Variants in MICA observed in about 807,000 individuals in gnomAD.
MICA encodes the protein HLA class I antigen.
MICA carries 18 observed loss-of-function variants against 34.3 expected under a neutral mutation model. That is an observed-to-expected ratio of 0.52 (90% CI 0.36 to 0.78). The LOEUF is 0.78. Among genes scored for constraint, MICA ranks in the 30% least tolerant of loss-of-function variants. MICA has a pLI of 0.00. For synonymous variants in MICA, 135 were observed against 156.9 expected, an observed-to-expected ratio of 0.86 and a Z score of 1.04; for missense variants, 333 against 409.4, an observed-to-expected ratio of 0.81 and a Z score of 1.61.
At chr6:31,408,526 A>G (rs1241858718) in intron 1 of MICA, among the ~76,000 whole-genome samples, 1 of 151,624 alleles carries the variant, frequency 6.6e-6, no homozygotes, top group African/African-American at 2.4e-5. Context: ...AGATACATTC[A>G]CATTTTTGTG....
At chr6:31,406,398 G>A (rs1167864528) in intron 1 of MICA, among the ~76,000 whole-genome samples, 1 of 130,472 alleles carries the variant, frequency 7.7e-6, no homozygotes, top group Non-Finnish European at 1.6e-5. Context: ...TTTTTAAATT[G>A]GATTATTATA....
chr6:31,409,309 C>CTGTGTGTGTGTGTGTGTGTGTGTG (rs35508435), intron 1 of MICA, among the ~76,000 whole-genome samples: 1,619 of 149,632 alleles, frequency 0.011, 32 homozygotes, highest in South Asian at 0.025. Context: ...CAACCTTGCT[C>CTGTGTGTGTGTGTGTGTGTGTGTG]TGTGTGTGTG....
intron 1 of MICA, among the ~76,000 whole-genome samples, chr6:31,406,641 C>A (rs1770764660): frequency 6.6e-6 from 1 of 151,838 alleles, no homozygotes; most frequent in Non-Finnish European, 1.5e-5. Context: ...AGTCCAATAT[C>A]CTAGAGAGTT....
intron 1 of MICA, among the ~76,000 whole-genome samples, chr6:31,406,728 T>C (rs1189497507): frequency 6.6e-6 from 1 of 151,940 alleles, no homozygotes; most frequent in Non-Finnish European, 1.5e-5. Context: ...ATTTGATTTT[T>C]GTATATGGTG....
Position 31,410,654 on chromosome 6 carries a change from G to C in MICA, c.182G>C (p.Arg61Thr). 2 of 1,613,584 alleles carry C rather than the reference G, an allele frequency of 1.2e-6. No individual in the cohort carries two copies. Among genetic ancestry groups the C allele is most frequent in the Non-Finnish European group, 1.7e-6 (2 of 1,180,028 alleles). ...GGTCAGCCCTTCCTGCGCTATGACA[G>C]GCAGAAATGCAGGGCAAAGCCCCAG... Reference protein sequence around the residue: ...LDGQPFLRYDRQKCRAKPQGQ... With the variant: ...LDGQPFLRYDTQKCRAKPQGQ... Residue 61 changes from arginine to threonine, a missense_variant, in exon 2 of 6, where the codon AGG becomes ACG. Coordinates refer to ENST00000449934, the MANE Select transcript of MICA (RefSeq NM_001177519.3).
Position 31,412,065 on chromosome 6 carries a change from A to G in MICA, c.732A>G (p.Val244=), listed in dbSNP as rs1439784123. 1.2e-5 allele frequency: 20 copies of G among 1,613,084 alleles called. 1 individual carries two copies. Among genetic ancestry groups the G allele is most frequent in the Non-Finnish European group, 1.6e-5 (19 of 1,179,882 alleles). ...TACTGACCTGGCGTCAGGATGGGGTATCTTTGAGCCACGACACCCAGCAGT... is the reference window on the plus strand; with the variant it reads ...TACTGACCTGGCGTCAGGATGGGGTGTCTTTGAGCCACGACACCCAGCAGT... ...NIILTWRQDG[V]SLSHDTQQWG... Residue 244 remains valine (V), a synonymous_variant, in exon 4 of 6, where the codon GTA becomes GTG. Transcript: ENST00000449934.
At position 31,407,140 on chromosome 6, in the gene MICA, G is replaced by A. The variant is rs117246140; in HGVS notation, c.71-3403G>A. Among the ~76,000 whole-genome samples, 706 of 151,896 alleles carry A rather than the reference G, an allele frequency of 4.6e-3. 55 individuals carry two copies. The East Asian group carries it at 0.076, about 16-fold the overall frequency. ...TGCATTGAATCTGTAGATTACTTTG[G>A]GTAGTATGGATATTTCAACAAAACT... is the stretch of plus-strand genomic sequence containing the variant. On this transcript the variant is annotated intron_variant, in intron 1 of 5. Transcript: ENST00000449934.
At chr6:31,403,276 G>T (rs569638241), upstream of MICA, among the ~76,000 whole-genome samples, 55 of 151,966 alleles carry the variant, frequency 3.6e-4, no homozygotes, top group Middle Eastern at 3.4e-3. The surrounding 1 kb of genome is among the most constrained non-coding windows in gnomAD (Gnocchi z 4.7). Flanking sequence ...TCGGGGTGGG[G>T]GCGCGGGGAT....
chr6:31,402,033 T>C (rs1048654658), upstream of MICA: 3 of 151,972 alleles, frequency 2.0e-5, no homozygotes, highest in Non-Finnish European at 4.4e-5. Context: ...ACACAATTTA[T>C]CCTTTTAAAG....
chr6:31,410,681 G>A lies in MICA; in HGVS notation c.209G>A (p.Gly70Glu), dbSNP rs2113752404. ...DRQKCRAKPQGQWAEDVLGNK... is the reference protein window; with the variant it reads ...DRQKCRAKPQEQWAEDVLGNK... ...CAGAAATGCAGGGCAAAGCCCCAGGGACAGTGGGCAGAAGATGTCCTGGGA... is the reference window on the plus strand; with the variant it reads ...CAGAAATGCAGGGCAAAGCCCCAGGAACAGTGGGCAGAAGATGTCCTGGGA... The change falls in exon 2 of 6, where the codon GGA (glycine) becomes GAA (glutamate). Residue 70 changes from glycine to glutamate, a missense_variant. Transcript: ENST00000449934. 3.1e-6 allele frequency: 5 copies of A among 1,613,528 alleles called. No individual in the cohort carries two copies. The highest frequency in any genetic ancestry group is 4.2e-6 in the Non-Finnish European group (5 of 1,180,010).
chr6:31,401,660 T>TAAA (rs9279197), upstream of MICA, among the ~76,000 whole-genome samples: 110 of 145,092 alleles, frequency 7.6e-4, no homozygotes, highest in African/African-American at 1.0e-3. Flanking sequence ...ACTCCTCTCT[T>TAAA]AAAAAAAAAA....
chr6:31,401,095 G>A (rs1445404982), upstream of MICA, among the ~76,000 whole-genome samples: 1 of 151,826 alleles, frequency 6.6e-6, no homozygotes. Context: ...CTTTGCTGGA[G>A]CTGGCACACG....
chr6:31,405,317 T>C (rs1292726313), intron 1 of MICA, among the ~76,000 whole-genome samples: 1 of 151,234 alleles, frequency 6.6e-6, no homozygotes, highest in Non-Finnish European at 1.5e-5. Context: ...CCTCCAGCAT[T>C]ACTCCTTTTG....
In MICA at chr6:31,410,969, C is replaced by T. The variant is rs867325466; in HGVS notation, c.326-103C>T. The T allele has an allele frequency of 2.1e-5, 31 of 1,473,088 alleles. No homozygotes were observed. The African/African-American group carries it at 4.0e-4, about 19-fold the overall frequency. The allele number at this position is 1,473,088 out of a possible 1,614,324, so 91.3% of individuals were successfully genotyped here. A position where few individuals can be genotyped will look rare whatever the true frequency, so the allele number is the denominator to read the frequency against. On this transcript the variant is annotated intron_variant, in intron 2 of 5. Transcript: ENST00000449934. Reference sequence around the variant, plus strand: ...CCGGCACTCAGCCCACACAGGGAGGCATGGAGGAGGGCCAGGGAGGCATAC... The same window carrying T: ...CCGGCACTCAGCCCACACAGGGAGGTATGGAGGAGGGCCAGGGAGGCATAC...
intron 4 of MICA, 36 bp downstream of exon 4, chr6:31,412,261 G>A (rs750677909): frequency 1.9e-6 from 3 of 1,606,542 alleles, no homozygotes; most frequent in Non-Finnish European, 2.5e-6. Context: ...GGTCAGGCCA[G>A]GGTAGGGACA....
In MICA at chr6:31,412,340, T is replaced by G; in HGVS notation, c.908T>G (p.Leu303Arg). Reference protein sequence around the residue: ...HPVPSGKVLVLQSHWQTFHVS... With the variant: ...HPVPSGKVLVRQSHWQTFHVS... Reference sequence around the variant, plus strand: ...TTTTTTTCAGGGAAAGTGCTGGTGCTTCAGAGTCATTGGCAGACATTCCAT... The same window carrying G: ...TTTTTTTCAGGGAAAGTGCTGGTGCGTCAGAGTCATTGGCAGACATTCCAT... Residue 303 changes from leucine (L) to arginine (R), a missense_variant, in exon 5 of 6, where the codon CTT (leucine) becomes CGT (arginine). Transcript: ENST00000449934. The G allele has an allele frequency of 6.3e-7, 1 of 1,598,874 alleles. No individual in the cohort carries two copies. The highest frequency in any genetic ancestry group is 8.5e-7 in the Non-Finnish European group (1 of 1,173,720).
rs761904283 is a variant in MICA at position 31,403,689 on chromosome 6, G to C, written c.57G>C (p.Pro19=). Residue 19 remains proline, a synonymous_variant, in exon 1 of 6, where the codon CCG becomes CCC. Coordinates refer to ENST00000449934, the MANE Select transcript of MICA (RefSeq NM_001177519.3). This position sits in a 1 kb window ranked among gnomAD's most constrained non-coding sequence, Gnocchi z 4.7. The stretch of plus-strand genomic sequence containing the variant: ...CTGGCATCTTCCCTTTTGCACCTCC[G>C]GGAGCTGCTGCTGGTGAGTGGCGTT... ...LLAGIFPFAP[P]GAAAEPHSLR... is the part of the protein sequence containing the mutation. The C allele has an allele frequency of 2.0e-4, 310 of 1,533,256 alleles. No individual in the cohort carries two copies. Among genetic ancestry groups the C allele is most frequent in the Non-Finnish European group, 2.6e-4 (292 of 1,140,902 alleles). The allele number at this position is 1,533,256 out of a possible 1,614,324, so 95.0% of individuals were successfully genotyped here.
chr6:31,414,268 G>C (rs1244121437), intron 5 of MICA, among the ~76,000 whole-genome samples: 2 of 151,968 alleles, frequency 1.3e-5, no homozygotes, highest in African/African-American at 2.4e-5. Context: ...ATCCCTGCTA[G>C]GGACAGAGCA....
chr6:31,410,790 G>A lies in MICA; in HGVS notation c.318G>A (p.Gln106=). The A allele has an allele frequency of 6.4e-7, 1 of 1,563,022 alleles. No homozygotes were observed. The highest frequency in any genetic ancestry group is 8.7e-7 in the Non-Finnish European group (1 of 1,153,592). Residue 106 remains glutamine (Q), a synonymous_variant, in exon 2 of 6, where the codon CAG becomes CAA. Coordinates refer to ENST00000449934, the MANE Select transcript of MICA (RefSeq NM_001177519.3). ...TGACCCTGGCTCATATCAAGGACCAGAAAGAAGGTGAGAGTCGGCAGGGGC... is the reference window on the plus strand; with the variant it reads ...TGACCCTGGCTCATATCAAGGACCAAAAAGAAGGTGAGAGTCGGCAGGGGC... ...LRMTLAHIKD[Q]KEGLHSLQEI...
Sources: allele counts gnomAD v4.1 joint callset (sites outside exome capture counted in the v4.1 genomes callset), GRCh38; gene constraint gnomAD v4.1.1; non-coding constraint Gnocchi (gnomAD v3.1); transcripts MANE v1.5; gene names NCBI Gene and HGNC (gene_info 2026-07-23, HGNC 2026-07-21).